The following REDIC1 variants were observed in gnomAD, a reference collection of about 807,000 sequenced individuals.
The protein encoded by REDIC1 is regulator of DNA class I crossover intermediates 1.
chr12:39,821,663 C>A, the REDIC1 span, among the ~76,000 whole-genome samples: 2 of 152,152 alleles, frequency 1.3e-5, no homozygotes, highest in Admixed American at 6.5e-5. Flanking sequence ...GTGAACTATA[C>A]CGAAGAGGGA....
chr12:39,692,127 A>G, the REDIC1 span: 3 of 1,521,800 alleles, frequency 2.0e-6, no homozygotes, highest in East Asian at 2.4e-5. Flanking sequence ...GTATAACTGT[A>G]TAAGTTAATT....
the REDIC1 span, among the ~76,000 whole-genome samples, chr12:39,896,280 ATG>A: frequency 1.2e-3 from 115 of 94,690 alleles, 4 homozygotes; most frequent in African/African-American, 3.6e-3. Flanking sequence ...ATATGTATAC[ATG>A]TATGTATATG....
At chr12:39,873,281 G>A in the REDIC1 span, among the ~76,000 whole-genome samples, 1 of 152,174 alleles carries the variant, frequency 6.6e-6, no homozygotes, top group African/African-American at 2.4e-5. Flanking sequence ...GAAATTCCCA[G>A]TGGAATTACT....
the REDIC1 span, among the ~76,000 whole-genome samples, chr12:39,785,314 CA>C: frequency 3.3e-5 from 5 of 152,216 alleles, no homozygotes; most frequent in African/African-American, 1.2e-4. Flanking sequence ...GGCCAACATA[CA>C]GCTCTGGCTG....
At chr12:39,641,282 A>T in the REDIC1 span, among the ~76,000 whole-genome samples, 1 of 151,984 alleles carries the variant, frequency 6.6e-6, no homozygotes, top group East Asian at 1.9e-4. Context: ...TACCTAGATA[A>T]ATGATGTACA....
the REDIC1 span, among the ~76,000 whole-genome samples, chr12:39,678,217 A>T: frequency 1.3e-5 from 2 of 152,286 alleles, no homozygotes; most frequent in East Asian, 3.9e-4. Flanking sequence ...AGAATAGAGA[A>T]GACCCAAATA....
At chr12:39,668,504 T>A in the REDIC1 span, among the ~76,000 whole-genome samples, 1 of 152,244 alleles carries the variant, frequency 6.6e-6, no homozygotes, top group East Asian at 1.9e-4. Flanking sequence ...TTAACATTTT[T>A]TCCTTCATTT....
At chr12:39,678,553 G>GATAAA in the REDIC1 span, among the ~76,000 whole-genome samples, 3 of 132,280 alleles carry the variant, frequency 2.3e-5, no homozygotes, top group Admixed American at 2.6e-4. Flanking sequence ...TATTCCAAAA[G>GATAAA]ATAAAGAGAG....
the REDIC1 span, chr12:39,871,834 C>T: frequency 6.2e-7 from 1 of 1,611,826 alleles, no homozygotes; most frequent in African/African-American, 1.3e-5. Context: ...CTGCGGCCCA[C>T]CTTCTCAACA....
chr12:39,656,074 GA>G, the REDIC1 span, among the ~76,000 whole-genome samples: 1 of 151,544 alleles, frequency 6.6e-6, no homozygotes, highest in East Asian at 1.9e-4. Context: ...ATGTATTCTT[GA>G]CTTTGATTTG....
At chr12:39,651,171 AATAAT>A in the REDIC1 span, among the ~76,000 whole-genome samples, 1 of 152,194 alleles carries the variant, frequency 6.6e-6, no homozygotes, top group Non-Finnish European at 1.5e-5. Context: ...AACAATAACT[AATAAT>A]AGAATAGAAC....
the REDIC1 span, among the ~76,000 whole-genome samples, chr12:39,883,553 C>A: frequency 6.6e-6 from 1 of 152,136 alleles, no homozygotes; most frequent in Non-Finnish European, 1.5e-5. Context: ...TCTCAGGAGG[C>A]TTAAGAGCCT....
the REDIC1 span, among the ~76,000 whole-genome samples, chr12:39,647,635 G>A: frequency 6.6e-6 from 1 of 152,022 alleles, no homozygotes; most frequent in African/African-American, 2.4e-5. Context: ...TCTCTTCCTA[G>A]TAAGTTCTGT....
chr12:39,648,548 A>T, the REDIC1 span, among the ~76,000 whole-genome samples: 1 of 151,550 alleles, frequency 6.6e-6, no homozygotes, highest in African/African-American at 2.4e-5. Flanking sequence ...AAATATTAAG[A>T]TTCTAAAATA....
chr12:39,738,847 T>A, the REDIC1 span, among the ~76,000 whole-genome samples: 1 of 151,958 alleles, frequency 6.6e-6, no homozygotes, highest in Non-Finnish European at 1.5e-5. Flanking sequence ...TTGTTTAATA[T>A]GTATGAACAT....
At chr12:39,857,188 C>G in the REDIC1 span, among the ~76,000 whole-genome samples, 1 of 152,154 alleles carries the variant, frequency 6.6e-6, no homozygotes, top group African/African-American at 2.4e-5. Flanking sequence ...TCAGAAACAC[C>G]TTTCTCAGAA....
At chr12:39,896,250 ATG>A in the REDIC1 span, among the ~76,000 whole-genome samples, 1 of 99,820 alleles carries the variant, frequency 1.0e-5, no homozygotes, top group Non-Finnish European at 2.3e-5. Flanking sequence ...ATATGTATAC[ATG>A]TATGTATATG....
At chr12:39,647,489 A>G in the REDIC1 span, among the ~76,000 whole-genome samples, 1 of 151,984 alleles carries the variant, frequency 6.6e-6, no homozygotes, top group South Asian at 2.1e-4. Context: ...TATCACCTGG[A>G]TTATGGGTTA....
the REDIC1 span, among the ~76,000 whole-genome samples, chr12:39,776,242 C>T: frequency 7.0e-6 from 1 of 143,768 alleles, no homozygotes; most frequent in Admixed American, 7.1e-5. Flanking sequence ...CCAAAGGCCT[C>T]AAAATGCTGG....
Sources: allele counts gnomAD v4.1 joint callset (sites outside exome capture counted in the v4.1 genomes callset), GRCh38; gene constraint gnomAD v4.1.1; transcripts MANE v1.5; gene names NCBI Gene and HGNC (gene_info 2026-07-23, HGNC 2026-07-21).